Variants in PDE5A observed in about 807,000 individuals in gnomAD.
PDE5A encodes the protein phosphodiesterase 5A.
PDE5A carries 67 observed loss-of-function variants against 110.2 expected under a neutral mutation model. The ratio of observed to expected loss-of-function variants is 0.61; its 90% CI spans 0.50 to 0.75. The LOEUF is 0.75. Among genes scored for constraint, PDE5A ranks in the 30% least tolerant of loss-of-function variants. The probability of loss-of-function intolerance (pLI) is 0.00; values close to 1 mark genes in which losing one functional copy is unlikely to be tolerated. For missense variants in PDE5A, 862 were observed against 1,045.1 expected (o/e 0.82, Z 2.42); for synonymous variants, 328 against 351.2 (o/e 0.93, Z 0.74).
rs1725114799 is a variant in PDE5A, at chr4:119,497,412, T to C, written c.*1189A>G. 6.6e-6 allele frequency: 1 copy of C among 152,154 alleles called. No homozygotes were observed. The highest frequency in any genetic ancestry group is 2.4e-5 in the African/African-American group (1 of 41,444). The allele number at this position is 152,154 out of a possible 1,614,324, so 9.4% of individuals were successfully genotyped here. A position where few individuals can be genotyped will look rare whatever the true frequency, so the allele number is the denominator to read the frequency against. On this transcript the variant is annotated 3_prime_UTR_variant, in exon 21 of 21. Transcript: ENST00000354960. ...AAAATATTAACTATACTAAATGTTA[T>C]GGGAAGAAAATACATTGAATGTGAG...
In PDE5A at chr4:119,624,609, C is replaced by T. The variant is rs929005862; in HGVS notation, c.152+3911G>A. Among the ~76,000 whole-genome samples the T allele has an allele frequency of 5.9e-5, 9 of 152,328 alleles. No homozygotes were observed. The East Asian group carries it at 9.6e-4, about 16-fold the overall frequency. ...ATTTCCAGTATATGCCAAATATTCT[C>T]GAGCTTTTGCCTGTACAAAACAAAG... On this transcript the variant is annotated intron_variant, in intron 1 of 20. Coordinates refer to ENST00000354960, the MANE Select transcript of PDE5A (RefSeq NM_001083.4).
chr4:119,616,000 C>T (rs1191380263), intron 1 of PDE5A, among the ~76,000 whole-genome samples: 2 of 152,136 alleles, frequency 1.3e-5, no homozygotes, highest in East Asian at 3.8e-4. Flanking sequence ...CTCTTCTCAC[C>T]AAAATCTTTT....
At chr4:119,539,949 A>G (rs1013705388) in intron 10 of PDE5A, among the ~76,000 whole-genome samples, 3 of 152,144 alleles carry the variant, frequency 2.0e-5, no homozygotes, top group Non-Finnish European at 4.4e-5. Context: ...CTCAACCATT[A>G]AGTATAATGC....
intron 3 of PDE5A, among the ~76,000 whole-genome samples, chr4:119,588,424 C>G (rs572602071): frequency 3.3e-5 from 5 of 151,678 alleles, no homozygotes; most frequent in East Asian, 1.9e-4. Flanking sequence ...TGATCCACCC[C>G]CCTTAGCCTC....
chr4:119,510,189 G>T (rs542783360), intron 15 of PDE5A, among the ~76,000 whole-genome samples: 1 of 152,100 alleles, frequency 6.6e-6, no homozygotes, highest in South Asian at 2.1e-4. Context: ...TTGTTTCTGA[G>T]TTGAGAACTC....
intron 3 of PDE5A, among the ~76,000 whole-genome samples, chr4:119,593,271 T>C (rs888524225): frequency 6.6e-6 from 1 of 152,206 alleles, no homozygotes; most frequent in Admixed American, 6.5e-5. Context: ...AAGGTCTGTA[T>C]GCAAACACAC....
rs1431537833 is a variant in PDE5A at position 119,498,572 on chromosome 4, A to G, written c.*29T>C. ...ATATTGCAGAACACACCATCTCTGTAAACTTCAACTCTGCATGAAATAGGC... is the reference window on the plus strand; with the variant it reads ...ATATTGCAGAACACACCATCTCTGTGAACTTCAACTCTGCATGAAATAGGC... On this transcript the variant is annotated 3_prime_UTR_variant, in exon 21 of 21. Coordinates refer to ENST00000354960, the MANE Select transcript of PDE5A (RefSeq NM_001083.4). 1 of 1,613,232 alleles carries G rather than the reference A, an allele frequency of 6.2e-7. No homozygotes were observed. Among genetic ancestry groups the G allele is most frequent in the Non-Finnish European group, 8.5e-7 (1 of 1,179,454 alleles).
chr4:119,624,528 G>C (rs972879038), intron 1 of PDE5A, among the ~76,000 whole-genome samples: 1 of 152,156 alleles, frequency 6.6e-6, no homozygotes, highest in South Asian at 2.1e-4. Flanking sequence ...TAAAACGTCT[G>C]TTTCTGGACT....
intron 14 of PDE5A, among the ~76,000 whole-genome samples, chr4:119,517,648 T>C (rs1274753137): frequency 2.0e-5 from 3 of 151,744 alleles, no homozygotes; most frequent in African/African-American, 7.2e-5. Context: ...CAGATGTTTT[T>C]GGGGTAATTA....
At position 119,579,840 on chromosome 4, in the gene PDE5A, TAA is replaced by T. The variant is rs5861431; in HGVS notation, c.832-12698_832-12697del. 6.1e-3 allele frequency among the ~76,000 whole-genome samples: 893 copies of T among 145,604 alleles called. 13 individuals are homozygous for T. The highest frequency in any genetic ancestry group is 0.02 in the African/African-American group (811 of 39,762). The stretch of plus-strand genomic sequence containing the variant: ...ATGTACCCTAAAACTTAAAGTATAA[TAA>T]AAAAAAAAAAGATCTGTGAGTTTCA... On this transcript the variant is annotated intron_variant, in intron 3 of 20. Transcript: ENST00000354960.
In PDE5A at chr4:119,596,619, T is replaced by G. The variant is rs200678800; in HGVS notation, c.742-7A>C. The G allele has an allele frequency of 2.0e-6, 3 of 1,526,992 alleles. No individual in the cohort carries two copies. Among genetic ancestry groups the G allele is most frequent in the African/African-American group, 1.4e-5 (1 of 72,686 alleles). The allele number at this position is 1,526,992 out of a possible 1,614,324, so 94.6% of individuals were successfully genotyped here. On this transcript the variant is annotated splice_polypyrimidine_tract_variant and splice_region_variant and intron_variant, in intron 2 of 20. Coordinates refer to ENST00000354960, the MANE Select transcript of PDE5A (RefSeq NM_001083.4). ...CTGCATTGAACCGAGGATCCTAGTA[T>G]GGAAAAAGAAATTCAATTTAATGAC...
chr4:119,501,308 G>C, intron 19 of PDE5A, 55 bp from the exon 20 acceptor site: 1 of 1,067,984 alleles, frequency 9.4e-7, no homozygotes, highest in Non-Finnish European at 1.4e-6. Context: ...TATTTAGTTA[G>C]TTATTACTTT....
At chr4:119,507,115 A>G (rs1273762175) in intron 16 of PDE5A, among the ~76,000 whole-genome samples, 3 of 151,984 alleles carry the variant, frequency 2.0e-5, no homozygotes, top group Non-Finnish European at 4.4e-5. Flanking sequence ...CTCTTATTTT[A>G]GAATCAACAA....
intron 12 of PDE5A, among the ~76,000 whole-genome samples, chr4:119,523,134 C>T (rs1726189759): frequency 6.6e-6 from 1 of 152,010 alleles, no homozygotes; most frequent in Non-Finnish European, 1.5e-5. Context: ...CTCTTACAAA[C>T]AGATATTCTT....
chr4:119,523,689 T>A (rs1726208096), intron 12 of PDE5A, among the ~76,000 whole-genome samples: 1 of 152,074 alleles, frequency 6.6e-6, no homozygotes, highest in African/African-American at 2.4e-5. Flanking sequence ...TTTGAGTGAT[T>A]ATCTTCATTA....
At chr4:119,564,743 G>A (rs141983464) in intron 5 of PDE5A, among the ~76,000 whole-genome samples, 1 of 152,036 alleles carries the variant, frequency 6.6e-6, no homozygotes, top group Non-Finnish European at 1.5e-5. Flanking sequence ...TAATTATAGT[G>A]CTTATAAATA....
At chr4:119,553,798 G>A (rs1578770224) in intron 7 of PDE5A, 52 bp from the exon 8 acceptor site, 1 of 874,804 alleles carries the variant, frequency 1.1e-6, no homozygotes, top group South Asian at 1.4e-5. Context: ...AAAAAGCATG[G>A]GCAAACAGTT....
intron 3 of PDE5A, among the ~76,000 whole-genome samples, chr4:119,594,256 T>C (rs1401171658): frequency 2.0e-5 from 3 of 152,222 alleles, no homozygotes; most frequent in Non-Finnish European, 4.4e-5. Flanking sequence ...AGTGATTCTG[T>C]TGCATTCTCA....
chr4:119,605,226 T>C (rs1019605858), intron 2 of PDE5A, among the ~76,000 whole-genome samples: 7 of 152,280 alleles, frequency 4.6e-5, no homozygotes, highest in African/African-American at 1.7e-4. Flanking sequence ...ATCCACACAC[T>C]TACATGGTCC....
Sources: allele counts gnomAD v4.1 joint callset (sites outside exome capture counted in the v4.1 genomes callset), GRCh38; gene constraint gnomAD v4.1.1; transcripts MANE v1.5; gene names NCBI Gene and HGNC (gene_info 2026-07-23, HGNC 2026-07-21).